The following CNBD1 variants were observed in gnomAD, a reference collection of about 807,000 sequenced individuals.
CNBD1 encodes the protein cyclic nucleotide-binding domain-containing protein 1.
In CNBD1, 71 loss-of-function variants were observed where a neutral mutation model predicts 54.4. The ratio of observed to expected loss-of-function variants is 1.30; its 90% CI spans 1.08 to 1.59. The LOEUF is 1.59. CNBD1 is among the 40% of genes most tolerant of loss of function. The pLI is 0.00. For synonymous variants in CNBD1, 182 were observed against 170.7 expected, an observed-to-expected ratio of 1.07 and a Z score of -0.51; for missense variants, 659 against 518.0, an observed-to-expected ratio of 1.27 and a Z score of -2.64.
intron 4 of CNBD1, among the ~76,000 whole-genome samples, chr8:86,977,333 A>T (rs1329317966): frequency 1.3e-5 from 2 of 152,000 alleles, no homozygotes; most frequent in Non-Finnish European, 2.9e-5. Context: ...CTAATTATTC[A>T]TATGTCATCC....
chr8:87,405,755 C>A (rs1355389575), intron 2 of CNBD1, among the ~76,000 whole-genome samples: 1 of 152,110 alleles, frequency 6.6e-6, no homozygotes, highest in Non-Finnish European at 1.5e-5. Flanking sequence ...ATGCCGATAG[C>A]ACAAGGAAAG....
intron 4 of CNBD1, among the ~76,000 whole-genome samples, chr8:87,056,621 T>C (rs1178186626): frequency 6.6e-6 from 1 of 152,098 alleles, no homozygotes; most frequent in Non-Finnish European, 1.5e-5. Context: ...CATCCAGAAA[T>C]ATTCTTGACC....
At chr8:87,379,438 G>A (rs1324065364) in intron 10 of CNBD1, among the ~76,000 whole-genome samples, 2 of 151,726 alleles carry the variant, frequency 1.3e-5, no homozygotes, top group East Asian at 1.9e-4. Flanking sequence ...ATTTTTTTCA[G>A]CACCACACCA....
chr8:87,412,605 T>A (rs982819403), intron 2 of CNBD1, among the ~76,000 whole-genome samples: 2 of 152,074 alleles, frequency 1.3e-5, no homozygotes, highest in Admixed American at 1.3e-4. Context: ...TAATAGACAC[T>A]ATGTTTTCAC....
chr8:87,346,283 C>T (rs1810175168), intron 8 of CNBD1, among the ~76,000 whole-genome samples: 1 of 152,100 alleles, frequency 6.6e-6, no homozygotes, highest in Non-Finnish European at 1.5e-5. Flanking sequence ...TCCAGGTGAT[C>T]CGCCCACCTC....
intron 4 of CNBD1, among the ~76,000 whole-genome samples, chr8:87,140,203 T>G (rs1012587236): frequency 2.0e-5 from 3 of 152,172 alleles, no homozygotes; most frequent in African/African-American, 7.2e-5. Flanking sequence ...TTTCTGTCTC[T>G]GTCTCTCTTC....
At chr8:87,251,594 A>G (rs545469156) in intron 6 of CNBD1, among the ~76,000 whole-genome samples, 5 of 108,838 alleles carry the variant, frequency 4.6e-5, no homozygotes, top group Non-Finnish European at 8.2e-5. Context: ...GTCTCAAAAA[A>G]GAAAAAAAAA....
At chr8:87,181,762 TTTC>T (rs1246898840) in intron 4 of CNBD1, among the ~76,000 whole-genome samples, 1 of 152,182 alleles carries the variant, frequency 6.6e-6, no homozygotes, top group Non-Finnish European at 1.5e-5. Flanking sequence ...AGATTTAATT[TTTC>T]TTCTTTTTCT....
At chr8:87,092,441 GTA>G (rs1048849494) in intron 4 of CNBD1, among the ~76,000 whole-genome samples, 8 of 144,098 alleles carry the variant, frequency 5.6e-5, no homozygotes, top group African/African-American at 1.9e-4. Context: ...ATGTGTGTGT[GTA>G]TATATATACA....
intron 4 of CNBD1, among the ~76,000 whole-genome samples, chr8:87,090,895 C>G (rs948859930): frequency 6.6e-6 from 1 of 152,024 alleles, no homozygotes; most frequent in Non-Finnish European, 1.5e-5. Flanking sequence ...AATCCCAGCA[C>G]TTTGGGAGGC....
intron 8 of CNBD1, among the ~76,000 whole-genome samples, chr8:87,318,020 G>C (rs1035091369): frequency 4.0e-5 from 6 of 151,560 alleles, no homozygotes; most frequent in African/African-American, 1.5e-4. Flanking sequence ...TTTTATATCA[G>C]ACATTTTAGT....
At chr8:87,073,878 GA>G (rs1810809929) in intron 4 of CNBD1, among the ~76,000 whole-genome samples, 1 of 152,050 alleles carries the variant, frequency 6.6e-6, no homozygotes, top group African/African-American at 2.4e-5. Context: ...GAGGTGGGCA[GA>G]TCACGAGGTC....
chr8:87,000,999 C>T (rs1333239654), intron 4 of CNBD1, among the ~76,000 whole-genome samples: 1 of 152,086 alleles, frequency 6.6e-6, no homozygotes, highest in East Asian at 1.9e-4. Flanking sequence ...CATTTTTCTA[C>T]ATTTTATCTT....
chr8:87,389,677 C>T (rs1220769716), intron 2 of CNBD1, among the ~76,000 whole-genome samples: 1 of 152,102 alleles, frequency 6.6e-6, no homozygotes, highest in Non-Finnish European at 1.5e-5. Context: ...CCATACTGCC[C>T]AAGGTAATTT....
At chr8:87,338,835 A>C (rs1008393871) in intron 8 of CNBD1, among the ~76,000 whole-genome samples, 1 of 152,124 alleles carries the variant, frequency 6.6e-6, no homozygotes, top group African/African-American at 2.4e-5. Context: ...TGTACTGGAT[A>C]GAAGACACTA....
At chr8:87,253,194 C>G (rs909881882) in intron 6 of CNBD1, among the ~76,000 whole-genome samples, 3 of 152,214 alleles carry the variant, frequency 2.0e-5, no homozygotes, top group African/African-American at 7.2e-5. Flanking sequence ...AGGGCCACTC[C>G]CCACCCTTCT....
At chr8:87,327,813 A>G (rs1220270482) in intron 8 of CNBD1, among the ~76,000 whole-genome samples, 1 of 152,138 alleles carries the variant, frequency 6.6e-6, no homozygotes, top group Non-Finnish European at 1.5e-5. Context: ...CTATTCGGCC[A>G]TCTTGGCTCC....
In CNBD1 at chr8:87,328,479, C is replaced by T. The variant is rs556962950; in HGVS notation, c.1043-23206C>T. Among the ~76,000 whole-genome samples, 30 of 149,642 alleles carry T rather than the reference C, an allele frequency of 2.0e-4. 1 individual carries two copies. The South Asian group carries it at 5.7e-3, about 29-fold the overall frequency. ...GGGCTTTTCATTATATTTAATTGGC[C>T]TTTGTGCTAGTAACATACTGCTTTG... On this transcript the variant is annotated intron_variant, in intron 8 of 10. Transcript: ENST00000518476.
chr8:87,206,609 A>C lies in CNBD1; in HGVS notation c.577+471A>C, dbSNP rs535043775. The stretch of plus-strand genomic sequence containing the variant: ...CAACATGATTATTTGACTAAGTCAG[A>C]TACTAACCCAGATATAGGGAAAAAA... On this transcript the variant is annotated intron_variant, in intron 5 of 10. Transcript: ENST00000518476. Among the ~76,000 whole-genome samples the C allele has an allele frequency of 1.6e-3, 244 of 152,288 alleles. 1 individual carries two copies. Among genetic ancestry groups the C allele is most frequent in the African/African-American group, 5.3e-3 (221 of 41,564 alleles).
Sources: allele counts gnomAD v4.1 joint callset (sites outside exome capture counted in the v4.1 genomes callset), GRCh38; gene constraint gnomAD v4.1.1; transcripts MANE v1.5; gene names NCBI Gene and HGNC (gene_info 2026-07-23, HGNC 2026-07-21).